Variants in GBGT1 observed in about 807,000 individuals in gnomAD.
GBGT1 encodes globoside alpha-1,3-N-acetylgalactosaminyltransferase 1 (FORS blood group), also known as globoside alpha-1,3-N-acetylgalactosaminyltransferase 1.
A neutral mutation model predicts 20.9 loss-of-function variants in GBGT1; 18 were observed. The observed-to-expected ratio is 0.86, with a 90% CI of 0.60 to 1.28. GBGT1 has a LOEUF of 1.28. Ranked by LOEUF, GBGT1 falls within the 50% of genes most tolerant of loss-of-function variation. The pLI is 0.00. For missense variants in GBGT1, 432 were observed against 455.7 expected, an observed-to-expected ratio of 0.95 and a Z score of 0.47; for synonymous variants, 168 against 180.8, an observed-to-expected ratio of 0.93 and a Z score of 0.57.
rs1004295837 is a variant in GBGT1 at position 133,161,614 on chromosome 9, A to G, written c.72-82T>C. 50 of 936,160 alleles carry G rather than the reference A, an allele frequency of 5.3e-5. 1 individual carries two copies. The East Asian group carries it at 1.2e-3, about 23-fold the overall frequency. The allele number at this position is 936,160 out of a possible 1,614,324, so 58.0% of individuals were successfully genotyped here. A position where few individuals can be genotyped will look rare whatever the true frequency, so the allele number is the denominator to read the frequency against. On this transcript the variant is annotated intron_variant, in intron 2 of 6. Coordinates refer to ENST00000372040, the MANE Select transcript of GBGT1 (RefSeq NM_021996.6). Reference sequence around the variant, plus strand: ...AACGCACCTCATGCACGTCATTGGGAGTGCAGGTCTCCCACAGTGCATTAG... The same window carrying G: ...AACGCACCTCATGCACGTCATTGGGGGTGCAGGTCTCCCACAGTGCATTAG...
chr9:133,153,425 C>T lies in GBGT1; in HGVS notation c.*152G>A. The stretch of plus-strand genomic sequence containing the variant: ...CCTGTGTGCTACTGTGTGCACAGCC[C>T]TCTGCAGTTCACAGTGGCCTTTCCA... On this transcript the variant is annotated 3_prime_UTR_variant, in exon 7 of 7. Coordinates refer to ENST00000372040, the MANE Select transcript of GBGT1 (RefSeq NM_021996.6). The T allele has an allele frequency of 3.5e-6, 2 of 575,552 alleles. No homozygotes were observed. The highest frequency in any genetic ancestry group is 2.5e-5 in the South Asian group (1 of 40,162). 35.7% of individuals were successfully genotyped at this position (575,552 alleles called of 1,614,324 possible). A position where few individuals can be genotyped will look rare whatever the true frequency, so the allele number is the denominator to read the frequency against.
In GBGT1 at chr9:133,161,531, C is replaced by T; in HGVS notation, c.73G>A (p.Val25Met). Reference protein sequence around the residue: ...LAGTSLSVLWVYLENWLPVSY... With the variant: ...LAGTSLSVLWMYLENWLPVSY... ...ACTGGCAGCCAGTTCTCAAGATACA[C>T]CCTGTGAATAAAAAAAAGAAAAAAA... The change falls in exon 3 of 7, where the codon GTG becomes ATG. Residue 25 changes from valine (V) to methionine (M), a missense_variant and splice_region_variant. By Grantham distance (21) the Val-to-Met change is conservative. Coordinates refer to ENST00000372040, the MANE Select transcript of GBGT1 (RefSeq NM_021996.6). The T allele has an allele frequency of 6.2e-7, 1 of 1,603,660 alleles. No individual in the cohort carries two copies. The highest frequency in any genetic ancestry group is 8.5e-7 in the Non-Finnish European group (1 of 1,174,666).
In GBGT1 at chr9:133,153,710, T is replaced by C; in HGVS notation, c.911A>G (p.His304Arg). ...AWREESHLNR[H>R]FISNKPSKVL... ...CTTGGACGGCTTGTTTGAGATGAAG[T>C]GACGGTTCAGGTGGCTTTCCTCCCG... is the stretch of plus-strand genomic sequence containing the variant. The change falls in exon 7 of 7, where the codon CAC (histidine) becomes CGC (arginine). Residue 304 changes from histidine to arginine, a missense_variant. His to Arg is a conservative substitution (Grantham distance 29). Coordinates refer to ENST00000372040, the MANE Select transcript of GBGT1 (RefSeq NM_021996.6). 1 of 1,613,858 alleles carries C rather than the reference T, an allele frequency of 6.2e-7. No individual in the cohort carries two copies. The highest frequency in any genetic ancestry group is 1.1e-5 in the South Asian group (1 of 91,060).
intron 3 of GBGT1, 111 bp downstream of exon 3, chr9:133,161,356 G>A: frequency 1.6e-6 from 1 of 623,064 alleles, no homozygotes. Context: ...TCAGAAACAT[G>A]AACTTAGGAA....
chr9:133,155,754 G>C (rs2119305237), intron 5 of GBGT1, 147 bp downstream of exon 5: 3 of 841,450 alleles, frequency 3.6e-6, no homozygotes, highest in Non-Finnish European at 5.8e-6. Flanking sequence ...CCAGGTCCCT[G>C]ACTCCCAGCC....
intron 3 of GBGT1, among the ~76,000 whole-genome samples, chr9:133,157,401 T>C (rs1442816654): frequency 2.0e-5 from 3 of 152,250 alleles, no homozygotes; most frequent in East Asian, 1.9e-4. Context: ...CCTAGGTATG[T>C]TGGCCATCTG....
chr9:133,155,931 T>C lies in GBGT1; in HGVS notation c.194A>G (p.Gln65Arg). 2 of 1,614,220 alleles carry C rather than the reference T, an allele frequency of 1.2e-6. No homozygotes were observed. Among genetic ancestry groups the C allele is most frequent in the Non-Finnish European group, 8.5e-7 (1 of 1,180,034 alleles). ...CTCCAGCAGCTTGGGCTGAGGGTAC[T>C]GTGACCTGCAACCAAGAAGGACCAG... is the stretch of plus-strand genomic sequence containing the variant. ...EKPLQPVVWS[Q>R]YPQPKLLEHR... The change falls in exon 5 of 7, where the codon CAG (glutamine) becomes CGG (arginine). Residue 65 changes from glutamine (Q) to arginine (R), a missense_variant. By Grantham distance (43) the Gln-to-Arg change is conservative. Transcript: ENST00000372040.
At chr9:133,160,281 TATAATAATA>T (rs56707169) in intron 3 of GBGT1, 16,691 of 144,026 alleles carry the variant, frequency 0.12, 1,059 homozygotes, top group Middle Eastern at 0.14. Context: ...TCTGTCTCAA[TATAATAATA>T]ATAATAATAA....
At position 133,153,064 on chromosome 9, in the gene GBGT1, G is replaced by C. The variant is rs1832750789; in HGVS notation, c.*513C>G. The C allele has an allele frequency of 6.6e-6, 1 of 152,464 alleles. No individual in the cohort carries two copies. The highest frequency in any genetic ancestry group is 1.5e-5 in the Non-Finnish European group (1 of 68,280). The allele number at this position is 152,464 out of a possible 1,614,324, so 9.4% of individuals were successfully genotyped here. ...GGGTGCAGGAAACCGAGGGAGCCTAGACCTGTTCCATTTCAAAGGCTCACT... is the reference window on the plus strand; with the variant it reads ...GGGTGCAGGAAACCGAGGGAGCCTACACCTGTTCCATTTCAAAGGCTCACT... On this transcript the variant is annotated 3_prime_UTR_variant, in exon 7 of 7. Transcript: ENST00000372040.
At chr9:133,162,132 G>A (rs952354687) in intron 2 of GBGT1, among the ~76,000 whole-genome samples, 1 of 145,758 alleles carries the variant, frequency 6.9e-6, no homozygotes, top group Admixed American at 6.8e-5. Context: ...GAGAGTCCTG[G>A]GTGGGGATAG....
intron 3 of GBGT1, chr9:133,160,119 G>A (rs555224141): frequency 5.7e-5 from 19 of 332,466 alleles, no homozygotes; most frequent in African/African-American, 4.0e-4. Context: ...ATGAAATGCT[G>A]TTTCTACTAA....
At chr9:133,161,077 T>C in intron 3 of GBGT1, 1 of 395,572 alleles carries the variant, frequency 2.5e-6, no homozygotes, top group East Asian at 3.6e-5. Flanking sequence ...GTTCCTTGAA[T>C]CCATGGAACA....
Position 133,161,547 on chromosome 9 carries a change from AAG to A in GBGT1, c.72-17_72-16del, listed in dbSNP as rs779623913. 72 of 1,590,344 alleles carry A rather than the reference AAG, an allele frequency of 4.5e-5. No homozygotes were observed. In the Middle Eastern group the frequency reaches 5.0e-4, roughly 11 times the overall value. On this transcript the variant is annotated splice_polypyrimidine_tract_variant and intron_variant, in intron 2 of 6. Transcript: ENST00000372040. ...CAAGATACACCCTGTGAATAAAAAA[AAG>A]AAAAAAAATCTGTTGATCCACTCTG...
chr9:133,155,754 G>A, intron 5 of GBGT1, 147 bp downstream of exon 5: 1 of 841,450 alleles, frequency 1.2e-6, no homozygotes, highest in South Asian at 1.6e-5. Context: ...CCAGGTCCCT[G>A]ACTCCCAGCC....
At chr9:133,155,443 T>A (rs1832844217) in intron 5 of GBGT1, 131 bp from the exon 6 acceptor site, 3 of 1,051,524 alleles carry the variant, frequency 2.9e-6, no homozygotes, top group Non-Finnish European at 4.1e-6. Context: ...TTTCCTCATA[T>A]GGAAAGTGGG....
At position 133,153,672 on chromosome 9, in the gene GBGT1, C is replaced by CG; in HGVS notation, c.948dup (p.Glu317ArgfsTer80). On this transcript the variant is annotated frameshift_variant, in exon 7 of 7. Coordinates refer to ENST00000372040, the MANE Select transcript of GBGT1 (RefSeq NM_021996.6). LOFTEE classifies it high-confidence loss of function. ...GGCTTCCTGTCGTCCCAGAGGTACT[C>CG]GGGGGACAGCACCTTGGACGGCTTG... The CG allele has an allele frequency of 1.2e-6, 2 of 1,613,304 alleles. No individual in the cohort carries two copies. The highest frequency in any genetic ancestry group is 8.5e-7 in the Non-Finnish European group (1 of 1,179,616).
At chr9:133,158,425 C>G (rs1030820938) in intron 3 of GBGT1, among the ~76,000 whole-genome samples, 1 of 152,108 alleles carries the variant, frequency 6.6e-6, no homozygotes, top group Non-Finnish European at 1.5e-5. Context: ...ACCACAGGTG[C>G]CCACCACCAC....
chr9:133,153,676 G>A lies in GBGT1; in HGVS notation c.945C>T (p.Ser315=), dbSNP rs1443940120. The A allele has an allele frequency of 1.2e-6, 2 of 1,613,568 alleles. No individual in the cohort carries two copies. The highest frequency in any genetic ancestry group is 3.3e-5 in the Admixed American group (2 of 59,950). ...FISNKPSKVL[S]PEYLWDDRKP... Reference sequence around the variant, plus strand: ...TCCTGTCGTCCCAGAGGTACTCGGGGGACAGCACCTTGGACGGCTTGTTTG... The same window carrying A: ...TCCTGTCGTCCCAGAGGTACTCGGGAGACAGCACCTTGGACGGCTTGTTTG... Residue 315 remains serine (S), a synonymous_variant, in exon 7 of 7, where the codon TCC becomes TCT. Transcript: ENST00000372040.
Position 133,161,532 on chromosome 9 carries a change from C to G in GBGT1, c.72G>C (p.Trp24Cys). 1 of 1,602,672 alleles carries G rather than the reference C, an allele frequency of 6.2e-7. No individual in the cohort carries two copies. The highest frequency in any genetic ancestry group is 8.5e-7 in the Non-Finnish European group (1 of 1,174,222). ...LLAGTSLSVL[W>C]VYLENWLPVS... ...CTGGCAGCCAGTTCTCAAGATACAC[C>G]CTGTGAATAAAAAAAAGAAAAAAAA... is the stretch of plus-strand genomic sequence containing the variant. Residue 24 changes from tryptophan (W) to cysteine (C), a missense_variant and splice_region_variant, in exon 3 of 7, where the codon TGG becomes TGC. Physicochemically the swap from Trp to Cys is radical, Grantham distance 215. Transcript: ENST00000372040.
Sources: gnomAD v4.1 joint callset for allele counts (sites outside exome capture counted in the v4.1 genomes callset) on GRCh38, gnomAD v4.1.1 for gene constraint, MANE v1.5 for transcripts, NCBI Gene and HGNC (gene_info 2026-07-23, HGNC 2026-07-21) for gene names.